LMNB1: variants seen among roughly 807,000 people sequenced by gnomAD.
LMNB1 encodes the protein lamin-B1.
A neutral mutation model predicts 67.1 loss-of-function variants in LMNB1; 23 were observed. The observed-to-expected ratio is 0.34, with a 90% confidence interval of 0.25 to 0.49. LMNB1 has a LOEUF of 0.49. Among genes scored for constraint, LMNB1 ranks in the 20% least tolerant of loss-of-function variants. LMNB1 has a pLI of 0.99. For missense variants in LMNB1, 634 were observed against 746.5 expected, an observed-to-expected ratio of 0.85 and a Z score of 1.76; for synonymous variants, 281 against 282.9, an observed-to-expected ratio of 0.99 and a Z score of 0.07.
intron 1 of LMNB1, among the ~76,000 whole-genome samples, chr5:126,780,382 T>C (rs546821206): frequency 7.2e-5 from 11 of 152,354 alleles, no homozygotes; most frequent in African/African-American, 2.6e-4. Context: ...GCTGGCGCTT[T>C]TGTAATCTTT....
intron 1 of LMNB1, among the ~76,000 whole-genome samples, chr5:126,780,040 A>G (rs1469392359): frequency 1.3e-5 from 2 of 151,880 alleles, no homozygotes; most frequent in East Asian, 1.9e-4. Flanking sequence ...CAAAAAAGAA[A>G]AAAAATCCGG....
At chr5:126,827,072 A>T (rs765162519) in intron 9 of LMNB1, among the ~76,000 whole-genome samples, 23 of 152,062 alleles carry the variant, frequency 1.5e-4, no homozygotes, top group Admixed American at 7.2e-4. Flanking sequence ...TGCTGTTTGT[A>T]CCTTACAACC....
intron 1 of LMNB1, among the ~76,000 whole-genome samples, chr5:126,778,216 C>G (rs975687371): frequency 7.2e-5 from 11 of 151,914 alleles, no homozygotes; most frequent in Non-Finnish European, 1.6e-4. Flanking sequence ...CCCTCAGGCC[C>G]CAGGTGCGGG....
chr5:126,827,554 A>C (rs1752024488), intron 9 of LMNB1, among the ~76,000 whole-genome samples: 1 of 152,176 alleles, frequency 6.6e-6, no homozygotes, highest in Non-Finnish European at 1.5e-5. Context: ...CAGGCTACTC[A>C]GGAAGCTGAG....
intron 1 of LMNB1, among the ~76,000 whole-genome samples, chr5:126,786,198 C>T (rs1561735045): frequency 7.0e-6 from 1 of 143,808 alleles, no homozygotes. Context: ...TCTCGGTTCA[C>T]TGCAGGCTCC....
chr5:126,808,966 C>T (rs1002563187), intron 3 of LMNB1, among the ~76,000 whole-genome samples: 62 of 151,944 alleles, frequency 4.1e-4, no homozygotes, highest in African/African-American at 1.5e-3. Flanking sequence ...ACCACCGTCT[C>T]CCAGGTTCAA....
At chr5:126,818,898 A>G in intron 5 of LMNB1, 24 bp from the exon 6 acceptor site, 1 of 1,534,148 alleles carries the variant, frequency 6.5e-7, no homozygotes, top group Non-Finnish European at 9.0e-7. Context: ...CCTAGAAAGT[A>G]AATATGTTTC....
chr5:126,805,580 T>G lies in LMNB1; in HGVS notation c.526T>G (p.Ser176Ala), dbSNP rs1223215593. ...LKDQIAQLEA[S>A]LAAAKKQLAD... ...TTTTTCCTTGTAATAGTTGGAAGCC[T>G]CCTTAGCTGCAGCCAAAAAACAGTT... is the stretch of plus-strand genomic sequence containing the variant. The change falls in exon 3 of 11, where the codon TCC (serine) becomes GCC (alanine). Residue 176 changes from serine to alanine, a missense_variant. Ser to Ala is a moderately conservative substitution (Grantham distance 99). Coordinates refer to ENST00000261366, the MANE Select transcript of LMNB1 (RefSeq NM_005573.4). The G allele has an allele frequency of 6.2e-7, 1 of 1,606,538 alleles. No individual in the cohort carries two copies. The highest frequency in any genetic ancestry group is 1.3e-5 in the African/African-American group (1 of 74,720).
intron 5 of LMNB1, 33 bp from the exon 6 acceptor site, chr5:126,818,889 C>CTT: frequency 6.7e-7 from 1 of 1,493,054 alleles, no homozygotes; most frequent in Non-Finnish European, 9.3e-7. Context: ...TGGAATGTTC[C>CTT]TAGAAAGTAA....
intron 10 of LMNB1, among the ~76,000 whole-genome samples, chr5:126,834,345 A>C (rs1311438734): frequency 1.3e-5 from 2 of 152,154 alleles, no homozygotes; most frequent in Non-Finnish European, 2.9e-5. Context: ...AGCTGGGATT[A>C]CAGGCATGCG....
chr5:126,778,009 C>T, intron 1 of LMNB1, 142 bp downstream of exon 1: 1 of 747,594 alleles, frequency 1.3e-6, no homozygotes, highest in East Asian at 3.3e-5. Flanking sequence ...TCTCGGTCTC[C>T]GGAAAGGAGA....
chr5:126,792,442 G>A (rs1750985976), intron 1 of LMNB1, among the ~76,000 whole-genome samples: 1 of 151,568 alleles, frequency 6.6e-6, no homozygotes, highest in Admixed American at 6.6e-5. Context: ...TGGTGTGTTT[G>A]GTACTTTCTC....
chr5:126,821,265 T>C, intron 7 of LMNB1, 130 bp downstream of exon 7: 1 of 607,510 alleles, frequency 1.6e-6, no homozygotes, highest in South Asian at 2.2e-5. Flanking sequence ...ATGTCCTTTT[T>C]ACTTAAATTC....
At chr5:126,797,330 C>T (rs879552147) in intron 1 of LMNB1, among the ~76,000 whole-genome samples, 1 of 152,030 alleles carries the variant, frequency 6.6e-6, no homozygotes, top group Non-Finnish European at 1.5e-5. Context: ...TTTTCAGGAG[C>T]GTGTATATTT....
At chr5:126,790,347 C>A (rs1473585147) in intron 1 of LMNB1, among the ~76,000 whole-genome samples, 3 of 152,188 alleles carry the variant, frequency 2.0e-5, no homozygotes, top group Non-Finnish European at 2.9e-5. Flanking sequence ...CTCAGGTGAT[C>A]TGCCTGCCTC....
intron 5 of LMNB1, among the ~76,000 whole-genome samples, chr5:126,812,198 CCTGT>C (rs1751595152): frequency 6.6e-6 from 1 of 152,206 alleles, no homozygotes; most frequent in Non-Finnish European, 1.5e-5. Flanking sequence ...GATCTTCCGA[CCTGT>C]CTAACAGCTT....
chr5:126,830,497 C>G (rs909209272), intron 9 of LMNB1, among the ~76,000 whole-genome samples: 2 of 152,050 alleles, frequency 1.3e-5, no homozygotes, highest in Non-Finnish European at 2.9e-5. Context: ...TTAGCTCACC[C>G]ATTTTTTATA....
chr5:126,827,243 G>A (rs1422834244), intron 9 of LMNB1, among the ~76,000 whole-genome samples: 1 of 152,172 alleles, frequency 6.6e-6, no homozygotes, highest in Non-Finnish European at 1.5e-5. Flanking sequence ...GCCACTTTGT[G>A]TTAGGAATAA....
chr5:126,810,980 A>T (rs1751566109), intron 4 of LMNB1, among the ~76,000 whole-genome samples: 1 of 152,250 alleles, frequency 6.6e-6, no homozygotes. Flanking sequence ...TGATTTGATT[A>T]AAAAGACTTT....
Sources: gnomAD v4.1 joint callset for allele counts (sites outside exome capture counted in the v4.1 genomes callset) on GRCh38, gnomAD v4.1.1 for gene constraint, MANE v1.5 for transcripts, NCBI Gene and HGNC (gene_info 2026-07-23, HGNC 2026-07-21) for gene names.